MKLN1: variants seen among roughly 807,000 people sequenced by gnomAD.
The protein encoded by MKLN1 is muskelin.
MKLN1 carries 18 observed loss-of-function variants against 99.0 expected under a neutral mutation model. The ratio of observed to expected loss-of-function variants is 0.18; its 90% CI spans 0.13 to 0.27. MKLN1 has a LOEUF of 0.27. Among genes scored for constraint, MKLN1 ranks in the 10% least tolerant of loss-of-function variants. The pLI, the probability that MKLN1 is intolerant of heterozygous loss-of-function variation, is 1.00. For missense variants in MKLN1, 621 were observed against 875.9 expected, an observed-to-expected ratio of 0.71 and a Z score of 3.67; for synonymous variants, 288 against 293.2, an observed-to-expected ratio of 0.98 and a Z score of 0.18.
rs752261691 is a variant in MKLN1 at position 131,437,769 on chromosome 7, C to A, written c.961-16C>A. 5 of 1,360,866 alleles carry A rather than the reference C, an allele frequency of 3.7e-6. No individual in the cohort carries two copies. In the East Asian group the frequency reaches 1.3e-4, roughly 35 times the overall value. 84.3% of individuals were successfully genotyped at this position (1,360,866 alleles called of 1,614,324 possible). A position where few individuals can be genotyped will look rare whatever the true frequency, so the allele number is the denominator to read the frequency against. Reference sequence around the variant, plus strand: ...CTTTATTTGTTTATTTATTTATTTTCTCTCTCTCTCTACAGAATGGTCCTA... The same window carrying A: ...CTTTATTTGTTTATTTATTTATTTTATCTCTCTCTCTACAGAATGGTCCTA... On this transcript the variant is annotated splice_polypyrimidine_tract_variant and intron_variant, in intron 9 of 17. Coordinates refer to ENST00000352689, the MANE Select transcript of MKLN1 (RefSeq NM_013255.5).
Position 131,418,369 on chromosome 7 carries a change from C to CAAA in MKLN1, c.847+3680_847+3682dup, listed in dbSNP as rs943898750. 9.9e-3 allele frequency among the ~76,000 whole-genome samples: 542 copies of CAAA among 54,492 alleles called. 4 individuals carry two copies. Among genetic ancestry groups the CAAA allele is most frequent in the Non-Finnish European group, 0.017 (424 of 25,028 alleles). The allele number at this position is 54,492 out of a possible 152,430, so 35.7% of individuals were successfully genotyped here. On this transcript the variant is annotated intron_variant, in intron 8 of 17. Coordinates refer to ENST00000352689, the MANE Select transcript of MKLN1 (RefSeq NM_013255.5). ...GGGAGACAAGAGCAAGACTTCGTCT[C>CAAA]AAAAAAAAAAAAAAAAAAAAAAAGA... is the stretch of plus-strand genomic sequence containing the variant.
intron 4 of MKLN1, among the ~76,000 whole-genome samples, chr7:131,395,801 T>G (rs1794343118): frequency 6.6e-6 from 1 of 151,768 alleles, no homozygotes; most frequent in Admixed American, 6.6e-5. Flanking sequence ...AATTTATAAT[T>G]AATTGGAGAG....
chr7:131,189,295 TA>T (rs1328607921), intron 2 of MKLN1, among the ~76,000 whole-genome samples: 1 of 152,208 alleles, frequency 6.6e-6, no homozygotes, highest in Non-Finnish European at 1.5e-5. Context: ...GAATTTTTTT[TA>T]ACTTACTAGC....
chr7:131,262,280 C>CA (rs771703002), intron 3 of MKLN1, among the ~76,000 whole-genome samples: 7 of 151,638 alleles, frequency 4.6e-5, no homozygotes, highest in Non-Finnish European at 1.0e-4. Flanking sequence ...CTAAAAAATA[C>CA]AAAAAAATTA....
At chr7:131,383,116 G>A (rs928521225) in intron 2 of MKLN1, among the ~76,000 whole-genome samples, 8 of 152,126 alleles carry the variant, frequency 5.3e-5, no homozygotes, top group Non-Finnish European at 1.0e-4. Context: ...AATGGATATT[G>A]AATTTTGTTG....
chr7:131,164,394 T>C (rs2398761), intron 2 of MKLN1, among the ~76,000 whole-genome samples: 148,805 of 152,286 alleles, frequency 0.98, 72,801 homozygotes, highest in South Asian at 1. Flanking sequence ...GGATTACAGG[T>C]GTGTGCTGCC....
chr7:131,383,496 C>T (rs576523482), intron 2 of MKLN1, among the ~76,000 whole-genome samples: 1 of 152,272 alleles, frequency 6.6e-6, no homozygotes, highest in Admixed American at 6.5e-5. Flanking sequence ...AATCCAGCAG[C>T]TACCAATGGA....
chr7:131,478,705 C>G, intron 17 of MKLN1, 28 bp downstream of exon 17: 1 of 1,605,700 alleles, frequency 6.2e-7, no homozygotes, highest in Non-Finnish European at 8.5e-7. Flanking sequence ...ATTTATCCAG[C>G]TAGATGCCCT....
chr7:131,117,893 TC>T (rs1262437473), intron 1 of MKLN1, among the ~76,000 whole-genome samples: 2 of 152,224 alleles, frequency 1.3e-5, no homozygotes, highest in African/African-American at 4.8e-5. Flanking sequence ...TCTCCCAAGA[TC>T]AGGTACATGA....
chr7:131,442,818 A>G (rs1399004333), intron 10 of MKLN1, among the ~76,000 whole-genome samples: 1 of 152,228 alleles, frequency 6.6e-6, no homozygotes, highest in Non-Finnish European at 1.5e-5. Context: ...ATGAAAAGTT[A>G]TAATCTTGAG....
intron 1 of MKLN1, among the ~76,000 whole-genome samples, chr7:131,362,518 G>A (rs1020401838): frequency 1.3e-5 from 2 of 152,034 alleles, no homozygotes; most frequent in African/African-American, 2.4e-5. Flanking sequence ...CTAGCATACC[G>A]TGTATTCTTT....
intron 1 of MKLN1, among the ~76,000 whole-genome samples, chr7:131,335,738 G>A (rs888708935): frequency 1.1e-4 from 16 of 148,978 alleles, no homozygotes; most frequent in Non-Finnish European, 1.2e-4. Context: ...CTTTTTGAAC[G>A]TTTGGGGATT....
chr7:131,278,981 C>T (rs78072251), intron 3 of MKLN1, among the ~76,000 whole-genome samples: 9,319 of 152,234 alleles, frequency 0.061, 398 homozygotes, highest in Middle Eastern at 0.11. Context: ...TATAATGCCA[C>T]TTTGTAGCTA....
intron 3 of MKLN1, among the ~76,000 whole-genome samples, chr7:131,208,178 T>A (rs1228044744): frequency 6.6e-6 from 1 of 152,166 alleles, no homozygotes; most frequent in Non-Finnish European, 1.5e-5. Flanking sequence ...ATGTTTACCT[T>A]TGGAAAGGAG....
At chr7:131,412,773 C>T (rs1281555173) in intron 7 of MKLN1, among the ~76,000 whole-genome samples, 3 of 152,148 alleles carry the variant, frequency 2.0e-5, no homozygotes, top group African/African-American at 7.2e-5. Context: ...TAAAGGAAGG[C>T]AGTTCTATGG....
chr7:131,377,844 AT>A (rs1433489068), intron 2 of MKLN1, among the ~76,000 whole-genome samples: 5 of 152,186 alleles, frequency 3.3e-5, no homozygotes, highest in African/African-American at 1.2e-4. Flanking sequence ...ACCCTGAAAC[AT>A]TTCAATATGA....
chr7:131,332,705 C>T (rs922522018), intron 1 of MKLN1, among the ~76,000 whole-genome samples: 1 of 151,664 alleles, frequency 6.6e-6, no homozygotes, highest in Non-Finnish European at 1.5e-5. Flanking sequence ...TTGCTTTTTC[C>T]TCCTTAACAT....
intron 1 of MKLN1, among the ~76,000 whole-genome samples, chr7:131,135,458 A>G (rs1009717173): frequency 1.3e-5 from 2 of 152,190 alleles, no homozygotes; most frequent in African/African-American, 4.8e-5. Context: ...GGGACGCATC[A>G]GAGTGAGAAA....
intron 3 of MKLN1, among the ~76,000 whole-genome samples, chr7:131,236,774 C>A (rs1797328087): frequency 6.6e-6 from 1 of 151,886 alleles, no homozygotes; most frequent in Non-Finnish European, 1.5e-5. Context: ...CACTTGAGGC[C>A]AGGAGTTTAA....
Sources: gnomAD v4.1 joint callset for allele counts (sites outside exome capture counted in the v4.1 genomes callset) on GRCh38, gnomAD v4.1.1 for gene constraint, MANE v1.5 for transcripts, NCBI Gene and HGNC (gene_info 2026-07-23, HGNC 2026-07-21) for gene names.